The following SPATA7 variants were observed in gnomAD, a reference collection of about 807,000 sequenced individuals.
The protein encoded by SPATA7 is spermatogenesis-associated protein 7.
In SPATA7, 43 loss-of-function variants were observed where a neutral mutation model predicts 51.8. The ratio of observed to expected loss-of-function variants is 0.83; its 90% CI spans 0.65 to 1.07. SPATA7 has a LOEUF of 1.07. Ranked by LOEUF, SPATA7 falls within the 50% of genes least tolerant of loss-of-function variation. The pLI is 0.00. For missense variants in SPATA7, 683 were observed against 701.3 expected (o/e 0.97, Z 0.30); for synonymous variants, 230 against 252.8 (o/e 0.91, Z 0.86).
At chr14:88,386,628 A>C (rs1054774253) in intron 1 of SPATA7, among the ~76,000 whole-genome samples, 16 of 152,068 alleles carry the variant, frequency 1.1e-4, no homozygotes, top group African/African-American at 3.6e-4. Context: ...TACAATCTTA[A>C]ATATCTACAA....
At chr14:88,434,005 A>G (rs1443025954) in intron 10 of SPATA7, among the ~76,000 whole-genome samples, 2 of 152,204 alleles carry the variant, frequency 1.3e-5, no homozygotes, top group Non-Finnish European at 2.9e-5. Context: ...TAATATGGGT[A>G]AAGAGTTTCA....
chr14:88,469,730 C>T lies in SPATA7; in HGVS notation c.255-117C>T, dbSNP rs143562455. On this transcript the variant is annotated intron_variant, in intron 4 of 4. Coordinates refer to the SPATA7 transcript ENST00000556406. This position sits in a 1 kb window ranked among gnomAD's most constrained non-coding sequence, Gnocchi z 4.3. The stretch of plus-strand genomic sequence containing the variant: ...TACCTAAAGCTCTTCTCCCTTCCAC[C>T]CTCCTGTTAAAGATGAGCATGGTTA... The T allele has an allele frequency of 1.9e-5, 31 of 1,613,860 alleles. No individual in the cohort carries two copies. The African/African-American group carries it at 4.1e-4, about 22-fold the overall frequency.
intron 5 of SPATA7, among the ~76,000 whole-genome samples, chr14:88,424,627 T>A (rs1566777581): frequency 6.6e-6 from 1 of 152,192 alleles, no homozygotes; most frequent in Non-Finnish European, 1.5e-5. Context: ...CTATAGGATA[T>A]TTTTAGACTG....
At chr14:88,458,115 T>C (rs1177026547), downstream of SPATA7, among the ~76,000 whole-genome samples, 9 of 152,198 alleles carry the variant, frequency 5.9e-5, no homozygotes, top group Non-Finnish European at 1.2e-4. Flanking sequence ...GATGTGCTGC[T>C]GGATTCGGTT....
At chr14:88,454,125 A>T (rs899409439) in intron 3 of SPATA7, among the ~76,000 whole-genome samples, 1 of 152,212 alleles carries the variant, frequency 6.6e-6, no homozygotes, top group East Asian at 1.9e-4. Flanking sequence ...ATTAAAAAAC[A>T]TATCTTACAG....
chr14:88,409,810 A>G (rs1236436598), intron 4 of SPATA7, among the ~76,000 whole-genome samples: 1 of 152,182 alleles, frequency 6.6e-6, no homozygotes, highest in Non-Finnish European at 1.5e-5. Context: ...CATTGGTTTC[A>G]AAGAACTTAT....
chr14:88,412,532 T>G (rs186968429), intron 4 of SPATA7, among the ~76,000 whole-genome samples: 133 of 152,234 alleles, frequency 8.7e-4, no homozygotes, highest in South Asian at 2.5e-3. Context: ...CGCAGCTGAT[T>G]AGATGGTGCC....
intron 4 of SPATA7, among the ~76,000 whole-genome samples, chr14:88,407,802 G>A (rs1047175882): frequency 2.6e-5 from 4 of 151,974 alleles, no homozygotes; most frequent in African/African-American, 9.7e-5. Context: ...TAAGGAAGGG[G>A]TCCAGTTTCA....
chr14:88,396,042 G>A (rs955779408), intron 3 of SPATA7, 114 bp from the exon 4 acceptor site: 13 of 805,564 alleles, frequency 1.6e-5, no homozygotes, highest in African/African-American at 5.2e-5. Flanking sequence ...GTTTTCCATC[G>A]CTAGAAGTAT....
intron 3 of SPATA7, among the ~76,000 whole-genome samples, chr14:88,445,470 C>G (rs148202565): frequency 0.026 from 3,889 of 152,094 alleles, 176 homozygotes; most frequent in African/African-American, 0.089. Flanking sequence ...AACTGAATAC[C>G]CTTTATTTCC....
chr14:88,401,657 C>T (rs1328760591), intron 4 of SPATA7, among the ~76,000 whole-genome samples: 5 of 151,638 alleles, frequency 3.3e-5, no homozygotes, highest in Non-Finnish European at 7.4e-5. Flanking sequence ...CATAGTAAGA[C>T]CATGCCTCTA....
chr14:88,461,263 G>A (rs985229590), intron 4 of SPATA7, among the ~76,000 whole-genome samples: 1 of 152,344 alleles, frequency 6.6e-6, no homozygotes, highest in Admixed American at 6.5e-5. Flanking sequence ...TAAGTCTGCA[G>A]AGGTTTCTGC....
At chr14:88,459,753 C>A (rs2077305312), downstream of SPATA7, among the ~76,000 whole-genome samples, 1 of 152,138 alleles carries the variant, frequency 6.6e-6, no homozygotes, top group Non-Finnish European at 1.5e-5. Context: ...TTGATCCTGT[C>A]ATTATGATGT....
intron 3 of SPATA7, among the ~76,000 whole-genome samples, chr14:88,394,369 A>G (rs755535559): frequency 1.3e-5 from 2 of 152,170 alleles, no homozygotes; most frequent in Non-Finnish European, 2.9e-5. Flanking sequence ...TCTTTCGCCT[A>G]TAGTTTTACC....
Position 88,385,835 on chromosome 14 carries a change from G to T in SPATA7, c.17G>T (p.Arg6Ile). 6.2e-7 allele frequency: 1 copy of T among 1,603,804 alleles called. No individual in the cohort carries two copies. The highest frequency in any genetic ancestry group is 1.7e-5 in the Admixed American group (1 of 58,698). MDGSR[R>I]VRATSVLPRY... is the part of the protein sequence containing the mutation. ...GGACTAAGCATGGATGGCAGCCGGA[G>T]AGGTAAAGGGCAGCTGTCAGGGGCT... is the stretch of plus-strand genomic sequence containing the variant. The change falls in exon 1 of 12, where the codon AGA becomes ATA. Residue 6 changes from arginine to isoleucine, a missense_variant and splice_region_variant. By Grantham distance (97) the Arg-to-Ile change is moderately conservative. Coordinates refer to ENST00000393545, the MANE Select transcript of SPATA7 (RefSeq NM_018418.5).
intron 4 of SPATA7, among the ~76,000 whole-genome samples, chr14:88,400,761 G>A (rs1457400455): frequency 6.6e-6 from 1 of 152,188 alleles, no homozygotes; most frequent in Non-Finnish European, 1.5e-5. Context: ...CTTGAATCCA[G>A]GAGGTGGAGG....
At chr14:88,398,613 A>G (rs917601961) in intron 4 of SPATA7, among the ~76,000 whole-genome samples, 3 of 137,024 alleles carry the variant, frequency 2.2e-5, no homozygotes, top group African/African-American at 8.1e-5. Context: ...CATGTACCCT[A>G]AAACTTAAAG....
rs2075742550 is a variant in SPATA7 at position 88,391,439 on chromosome 14, G to A, written c.78G>A (p.Leu26=). ...CACCGTGCCTATTTAAAGGACACTTGAGCACCAAAAGTAATGGTAAGTGAG... is the reference window on the plus strand; with the variant it reads ...CACCGTGCCTATTTAAAGGACACTTAAGCACCAAAAGTAATGGTAAGTGAG... ...YGPPCLFKGH[L]STKSNAFCTD... is the part of the protein sequence containing the mutation. Residue 26 remains leucine, a synonymous_variant, in exon 2 of 12, where the codon TTG becomes TTA. Coordinates refer to ENST00000393545, the MANE Select transcript of SPATA7 (RefSeq NM_018418.5). 1 of 1,613,598 alleles carries A rather than the reference G, an allele frequency of 6.2e-7. No individual in the cohort carries two copies. The highest frequency in any genetic ancestry group is 8.5e-7 in the Non-Finnish European group (1 of 1,179,768).
At chr14:88,439,627 G>A (rs182678835), downstream of SPATA7, among the ~76,000 whole-genome samples, 4 of 151,992 alleles carry the variant, frequency 2.6e-5, no homozygotes, top group East Asian at 7.8e-4. Flanking sequence ...TCTTTAACTC[G>A]GGTTTTTATC....
Sources: allele counts gnomAD v4.1 joint callset (sites outside exome capture counted in the v4.1 genomes callset), GRCh38; gene constraint gnomAD v4.1.1; non-coding constraint Gnocchi (gnomAD v3.1); transcripts MANE v1.5; gene names NCBI Gene and HGNC (gene_info 2026-07-23, HGNC 2026-07-21).